Variants in APBA1 observed in about 807,000 individuals in gnomAD.
The protein encoded by APBA1 is amyloid beta precursor protein binding family A member 1, also known as amyloid-beta A4 precursor protein-binding family A member 1.
In APBA1, 55 loss-of-function variants were observed where a neutral mutation model predicts 86.6. That is an observed-to-expected ratio of 0.64 (90% CI 0.51 to 0.80). The LOEUF (loss-of-function observed/expected upper bound fraction) is 0.80, where lower values mean the gene tolerates loss of function less well. Ranked by LOEUF, APBA1 falls within the 30% of genes least tolerant of loss-of-function variation. The probability of loss-of-function intolerance (pLI) is 0.00; values close to 1 mark genes in which losing one functional copy is unlikely to be tolerated. For synonymous variants in APBA1, 511 were observed against 493.9 expected (o/e 1.03, Z -0.46); for missense variants, 1,090 against 1,183.0 (o/e 0.92, Z 1.15).
chr9:69,582,805 T>C (rs1341561693), intron 1 of APBA1, among the ~76,000 whole-genome samples: 3 of 152,126 alleles, frequency 2.0e-5, no homozygotes, highest in Non-Finnish European at 2.9e-5. Context: ...GCTATGAAAG[T>C]GAGAGGAGAT....
chr9:69,461,495 A>C (rs1416412043), intron 5 of APBA1: 2 of 152,190 alleles, frequency 1.3e-5, no homozygotes, highest in African/African-American at 4.8e-5. Context: ...CCTTCAAAGT[A>C]TTTCACATAA....
rs932260749 is a variant in APBA1, at chr9:69,441,066, G to A, written c.2231C>T (p.Pro744Leu). The A allele has an allele frequency of 4.3e-6, 7 of 1,613,974 alleles. No individual in the cohort carries two copies. The highest frequency in any genetic ancestry group is 2.2e-5 in the East Asian group (1 of 44,890). ...RVKLNIVRCP[P>L]VTTVLIRRPD... ...TCTTCTGATTAACACGGTGGTCACC[G>A]GAGGACATCTCACGATATTCAGCTT... Residue 744 changes from proline to leucine, a missense_variant, in exon 11 of 13, where the codon CCG becomes CTG. Pro to Leu is a moderately conservative substitution (Grantham distance 98). Around this residue, in one of 6 missense-constraint regions of APBA1, gnomAD observed 119 missense variants for 124.8 expected, o/e 0.95. Coordinates refer to ENST00000265381, the MANE Select transcript of APBA1 (RefSeq NM_001163.4).
intron 1 of APBA1, among the ~76,000 whole-genome samples, chr9:69,589,406 C>G (rs1822084450): frequency 6.6e-6 from 1 of 152,234 alleles, no homozygotes; most frequent in Non-Finnish European, 1.5e-5. Flanking sequence ...TCTAATTCTT[C>G]TTTCTCTGCT....
intron 2 of APBA1, among the ~76,000 whole-genome samples, chr9:69,497,964 C>A (rs953560868): frequency 8.5e-5 from 13 of 152,140 alleles, no homozygotes; most frequent in African/African-American, 3.1e-4. Context: ...TAGCTCTTTG[C>A]TGGCATGGAA....
chr9:69,618,949 C>T (rs1822761337), intron 1 of APBA1, among the ~76,000 whole-genome samples: 1 of 152,202 alleles, frequency 6.6e-6, no homozygotes, highest in Non-Finnish European at 1.5e-5. Flanking sequence ...AGGACAATAT[C>T]TACCCCATGG....
intron 5 of APBA1, chr9:69,462,949 A>G (rs1835214515): frequency 6.6e-6 from 1 of 152,192 alleles, no homozygotes; most frequent in African/African-American, 2.4e-5. Flanking sequence ...CTACTGGTCC[A>G]GGGATCATGC....
intron 1 of APBA1, among the ~76,000 whole-genome samples, chr9:69,606,833 G>T (rs913196634): frequency 6.6e-6 from 1 of 152,014 alleles, no homozygotes; most frequent in Non-Finnish European, 1.5e-5. Flanking sequence ...GTTAAAGTCT[G>T]TATACTATTC....
At chr9:69,638,629 G>C (rs750603941) in intron 1 of APBA1, among the ~76,000 whole-genome samples, 4 of 152,190 alleles carry the variant, frequency 2.6e-5, no homozygotes, top group Non-Finnish European at 5.9e-5. Context: ...TTGCATGCAG[G>C]CATGTGCATG....
At chr9:69,473,311 A>C (rs1835393133) in intron 3 of APBA1, among the ~76,000 whole-genome samples, 1 of 152,190 alleles carries the variant, frequency 6.6e-6, no homozygotes, top group African/African-American at 2.4e-5. Context: ...AAAGAAAAAA[A>C]CCCTCATAAC....
At chr9:69,484,557 C>T (rs1820192007) in intron 2 of APBA1, among the ~76,000 whole-genome samples, 1 of 152,168 alleles carries the variant, frequency 6.6e-6, no homozygotes, top group African/African-American at 2.4e-5. Flanking sequence ...CACCCTCATT[C>T]TTTCCTACAT....
At chr9:69,596,172 A>G (rs1016815240) in intron 1 of APBA1, among the ~76,000 whole-genome samples, 24 of 152,042 alleles carry the variant, frequency 1.6e-4, no homozygotes, top group Middle Eastern at 3.2e-3. Context: ...ATTTTTCTGT[A>G]GAGACAGTCT....
At chr9:69,505,192 C>T (rs998228065) in intron 2 of APBA1, among the ~76,000 whole-genome samples, 5 of 152,084 alleles carry the variant, frequency 3.3e-5, no homozygotes. Context: ...CCAGGAAGCC[C>T]TACCCATTGT....
chr9:69,504,134 T>C (rs1367800218), intron 2 of APBA1, among the ~76,000 whole-genome samples: 2 of 152,074 alleles, frequency 1.3e-5, no homozygotes, highest in Non-Finnish European at 2.9e-5. Context: ...ATTCTTGTTT[T>C]TATTTCTCTG....
intron 1 of APBA1, among the ~76,000 whole-genome samples, chr9:69,581,374 C>T (rs1821910311): frequency 8.7e-6 from 1 of 114,622 alleles, no homozygotes; most frequent in South Asian, 3.7e-4. Flanking sequence ...TAGCTCACTA[C>T]ATTTCTCTGA....
At chr9:69,528,155 G>A (rs1836371491) in intron 1 of APBA1, among the ~76,000 whole-genome samples, 1 of 152,052 alleles carries the variant, frequency 6.6e-6, no homozygotes. Context: ...CCAATTGGGT[G>A]AATATATTTA....
chr9:69,636,480 G>C (rs934685431), intron 1 of APBA1, among the ~76,000 whole-genome samples: 1 of 152,104 alleles, frequency 6.6e-6, no homozygotes, highest in Non-Finnish European at 1.5e-5. Context: ...CAATAGTCAA[G>C]ATCTGGAAGC....
rs769295451 is a variant in APBA1 at position 69,456,258 on chromosome 9, C to T, written c.1777G>A (p.Glu593Lys). 3 of 1,614,196 alleles carry T rather than the reference C, an allele frequency of 1.9e-6. No homozygotes were observed. Among genetic ancestry groups the T allele is most frequent in the South Asian group, 1.1e-5 (1 of 91,084 alleles). ...RQYKMICHVF[E>K]SEDAQLIAQS... Reference sequence around the variant, plus strand: ...GAAGCAACCCTTACATCCTCAGACTCGAAGACGTGGCAGATCATCTTGTAC... The same window carrying T: ...GAAGCAACCCTTACATCCTCAGACTTGAAGACGTGGCAGATCATCTTGTAC... Residue 593 changes from glutamate to lysine, a missense_variant, in exon 8 of 13, where the codon GAG becomes AAG. By Grantham distance (56) the Glu-to-Lys change is moderately conservative. Coordinates refer to ENST00000265381, the MANE Select transcript of APBA1 (RefSeq NM_001163.4).
At chr9:69,574,157 T>C (rs1564081263) in intron 1 of APBA1, among the ~76,000 whole-genome samples, 1 of 152,212 alleles carries the variant, frequency 6.6e-6, no homozygotes, top group Non-Finnish European at 1.5e-5. Context: ...AACTTTTACA[T>C]GAAGATGGTG....
intron 1 of APBA1, among the ~76,000 whole-genome samples, chr9:69,585,570 T>G (rs190995189): frequency 7.3e-4 from 111 of 152,280 alleles, no homozygotes; most frequent in Non-Finnish European, 1.1e-3. Context: ...ACTCCAGCTG[T>G]AGGCTCAGGC....
Sources: allele counts gnomAD v4.1 joint callset (sites outside exome capture counted in the v4.1 genomes callset), GRCh38; gene constraint gnomAD v4.1.1; regional missense constraint gnomAD v4.1.1; transcripts MANE v1.5; gene names NCBI Gene and HGNC (gene_info 2026-07-23, HGNC 2026-07-21).